ADD2: variants seen among roughly 807,000 people sequenced by gnomAD.
ADD2 encodes beta-adducin.
A neutral mutation model predicts 83.0 loss-of-function variants in ADD2; 23 were observed. The ratio of observed to expected loss-of-function variants is 0.28; its 90% CI spans 0.20 to 0.39. ADD2 has a LOEUF of 0.39. Among genes scored for constraint, ADD2 ranks in the 10% least tolerant of loss-of-function variants. The probability of loss-of-function intolerance (pLI) is 1.00; values close to 1 mark genes in which losing one functional copy is unlikely to be tolerated. For synonymous variants in ADD2, 375 were observed against 375.4 expected, an observed-to-expected ratio of 1.00 and a Z score of 0.01; for missense variants, 758 against 944.9, an observed-to-expected ratio of 0.80 and a Z score of 2.59.
chr2:70,726,974 A>G (rs1553378395), intron 1 of ADD2, among the ~76,000 whole-genome samples: 6 of 152,124 alleles, frequency 3.9e-5, no homozygotes. Flanking sequence ...TATATTTCAA[A>G]ATGCTCCAGA....
chr2:70,670,189 T>C (rs1323932638), intron 15 of ADD2, among the ~76,000 whole-genome samples: 1 of 152,224 alleles, frequency 6.6e-6, no homozygotes, highest in Non-Finnish European at 1.5e-5. Context: ...AAACATCAAG[T>C]ACTGTATTAG....
In ADD2 at chr2:70,704,312, A is replaced by C; in HGVS notation, c.322+9T>G. ...CTCTGCTCCTGGCAGCTCCCCAGAC[A>C]CCACATACTCATGGAAGATGTCGGG... On this transcript the variant is annotated intron_variant, in intron 4 of 15. Transcript: ENST00000264436. The C allele has an allele frequency of 7.3e-7, 1 of 1,376,234 alleles. No homozygotes were observed. The highest frequency in any genetic ancestry group is 9.6e-7 in the Non-Finnish European group (1 of 1,036,716). The allele number at this position is 1,376,234 out of a possible 1,614,324, so 85.3% of individuals were successfully genotyped here. A position where few individuals can be genotyped will look rare whatever the true frequency, so the allele number is the denominator to read the frequency against.
intron 10 of ADD2, among the ~76,000 whole-genome samples, chr2:70,681,527 C>T (rs1670448584): frequency 6.6e-6 from 1 of 152,220 alleles, no homozygotes; most frequent in Non-Finnish European, 1.5e-5. Flanking sequence ...AGTCTGTCTC[C>T]TGCATGGCAT....
intron 4 of ADD2, among the ~76,000 whole-genome samples, chr2:70,696,656 A>G (rs1671328725): frequency 6.6e-6 from 1 of 152,190 alleles, no homozygotes; most frequent in Admixed American, 6.5e-5. Context: ...GGTTCTGGGA[A>G]TGCCACACAG....
intron 1 of ADD2, among the ~76,000 whole-genome samples, chr2:70,717,952 AAGAG>A (rs1372590586): frequency 6.6e-6 from 1 of 152,234 alleles, no homozygotes; most frequent in Non-Finnish European, 1.5e-5. Context: ...GAAAAGAAGA[AAGAG>A]AGAAAGAGGC....
chr2:70,704,281 CTCCACCT>C, intron 4 of ADD2, 33 bp downstream of exon 4: 1 of 1,546,782 alleles, frequency 6.5e-7, no homozygotes, highest in Non-Finnish European at 8.8e-7. Context: ...CCACCCTCCC[CTCCACCT>C]CTGCTCCTGG....
chr2:70,668,819 A>G (rs1307783252), intron 15 of ADD2, among the ~76,000 whole-genome samples: 1 of 152,140 alleles, frequency 6.6e-6, no homozygotes, highest in Non-Finnish European at 1.5e-5. Context: ...CAAGCCCCCC[A>G]GCTTTGAGAA....
At chr2:70,719,321 C>T (rs563167956) in intron 1 of ADD2, among the ~76,000 whole-genome samples, 2 of 152,310 alleles carry the variant, frequency 1.3e-5, no homozygotes, top group South Asian at 4.1e-4. Context: ...GGGATGCAAT[C>T]GTAATCCCAT....
chr2:70,722,846 A>C (rs3771437), intron 1 of ADD2, among the ~76,000 whole-genome samples: 45,226 of 152,042 alleles, frequency 0.3, 7,169 homozygotes, highest in African/African-American at 0.41. Flanking sequence ...TTAGGCTCAG[A>C]CCATGAAAAC....
intron 6 of ADD2, 31 bp downstream of exon 6, chr2:70,695,690 G>C: frequency 1.3e-6 from 2 of 1,595,184 alleles, no homozygotes; most frequent in Non-Finnish European, 1.7e-6. Context: ...ATTTCAATAA[G>C]GAGTGGGCAG....
intron 1 of ADD2, among the ~76,000 whole-genome samples, chr2:70,732,640 C>A (rs1673344516): frequency 1.3e-5 from 2 of 152,176 alleles, no homozygotes; most frequent in Non-Finnish European, 2.9e-5. Context: ...AGGATCCTGT[C>A]TGTCTAGAGC....
intron 1 of ADD2, among the ~76,000 whole-genome samples, chr2:70,753,780 T>C (rs1674634273): frequency 6.6e-6 from 1 of 152,154 alleles, no homozygotes; most frequent in Non-Finnish European, 1.5e-5. Flanking sequence ...AGGATGCTTT[T>C]TTGAGATTTT....
intron 1 of ADD2, among the ~76,000 whole-genome samples, chr2:70,730,196 T>C (rs1673209490): frequency 6.6e-6 from 1 of 152,220 alleles, no homozygotes; most frequent in Non-Finnish European, 1.5e-5. Context: ...TGGGATGCTA[T>C]ACATGAGATA....
At chr2:70,735,858 C>A (rs1323972648) in intron 1 of ADD2, among the ~76,000 whole-genome samples, 24 of 72,508 alleles carry the variant, frequency 3.3e-4, no homozygotes, top group African/African-American at 1.7e-3. Context: ...CCATGCCCGG[C>A]TTTTTTTTTT....
intron 4 of ADD2, among the ~76,000 whole-genome samples, chr2:70,701,370 C>G (rs1671571450): frequency 6.6e-6 from 1 of 151,868 alleles, no homozygotes; most frequent in South Asian, 2.1e-4. Context: ...TCATAGTGAA[C>G]TAGAATAAAA....
chr2:70,672,563 G>A (rs1669938281), intron 15 of ADD2, among the ~76,000 whole-genome samples: 2 of 152,194 alleles, frequency 1.3e-5, no homozygotes, highest in African/African-American at 2.4e-5. Context: ...ACCTATACAC[G>A]TTAAGGTCTG....
chr2:70,765,900 C>G (rs868936444), intron 1 of ADD2, among the ~76,000 whole-genome samples: 2 of 152,268 alleles, frequency 1.3e-5, no homozygotes, highest in Middle Eastern at 3.4e-3. Flanking sequence ...TCTTAAATCC[C>G]TTGTGGAAGA....
rs919582359 is a variant in ADD2 at position 70,676,061 on chromosome 2, T to A, written c.1593+735A>T. On this transcript the variant is annotated intron_variant, in intron 13 of 15. Coordinates refer to ENST00000264436, the MANE Select transcript of ADD2 (RefSeq NM_001617.4). This position sits in a 1 kb window ranked among gnomAD's most constrained non-coding sequence, Gnocchi z 4.8. Reference sequence around the variant, plus strand: ...GGGCTGCAGTCTTGACCTGAAATCATTGCATCATCACAATTTGCCCTGCAG... The same window carrying A: ...GGGCTGCAGTCTTGACCTGAAATCAATGCATCATCACAATTTGCCCTGCAG... 11 of 985,304 alleles carry A rather than the reference T, an allele frequency of 1.1e-5. No homozygotes were observed. The highest frequency in any genetic ancestry group is 1.1e-5 in the Non-Finnish European group (9 of 829,942). 61.0% of individuals were successfully genotyped at this position (985,304 alleles called of 1,614,324 possible). A position where few individuals can be genotyped will look rare whatever the true frequency, so the allele number is the denominator to read the frequency against.
rs782153476 is a variant in ADD2 at position 70,692,538 on chromosome 2, A to G, written c.570T>C (p.Ile190=). Residue 190 remains isoleucine (I), a synonymous_variant, in exon 7 of 16, where the codon ATT becomes ATC. Transcript: ENST00000264436. The part of the protein sequence containing the change: ...VTASSLIKVN[I]LGEVVEKGSS... ...TGCCCTTCTCCACCACCTCTCCCAG[A>G]ATGTTCACCTTGATCTGCGCCAGGG... is the stretch of plus-strand genomic sequence containing the variant. The G allele has an allele frequency of 6.2e-7, 1 of 1,607,678 alleles. No individual in the cohort carries two copies. Among genetic ancestry groups the G allele is most frequent in the Non-Finnish European group, 8.5e-7 (1 of 1,177,586 alleles).
Sources: gnomAD v4.1 joint callset for allele counts (sites outside exome capture counted in the v4.1 genomes callset) on GRCh38, gnomAD v4.1.1 for gene constraint, Gnocchi (gnomAD v3.1) non-coding constraint, MANE v1.5 for transcripts, NCBI Gene and HGNC (gene_info 2026-07-23, HGNC 2026-07-21) for gene names.